Variants in PRDM16 observed in about 807,000 individuals in gnomAD.
The protein encoded by PRDM16 is histone-lysine N-methyltransferase PRDM16.
In PRDM16, 23 loss-of-function variants were observed where a neutral mutation model predicts 110.6. The ratio of observed to expected loss-of-function variants is 0.21; its 90% CI spans 0.15 to 0.29. PRDM16 has a LOEUF of 0.29. Ranked by LOEUF, PRDM16 falls within the 10% of genes least tolerant of loss-of-function variation. The pLI, the probability that PRDM16 is intolerant of heterozygous loss-of-function variation, is 1.00. For missense variants in PRDM16, 1,615 were observed against 1,794.3 expected, an observed-to-expected ratio of 0.90 and a Z score of 1.81; for synonymous variants, 799 against 781.8, an observed-to-expected ratio of 1.02 and a Z score of -0.37.
chr1:3,257,334 G>C (rs1640073849), intron 3 of PRDM16, among the ~76,000 whole-genome samples: 1 of 152,120 alleles, frequency 6.6e-6, no homozygotes, highest in African/African-American at 2.4e-5. Flanking sequence ...GGAGCATCAG[G>C]CCGGTGAGTA....
At chr1:3,386,689 T>C (rs1483197676) in intron 4 of PRDM16, 3 of 152,038 alleles carry the variant, frequency 2.0e-5, no homozygotes, top group Admixed American at 2.0e-4. Context: ...AAAGTGAAAT[T>C]GGAGTGAAGG....
intron 3 of PRDM16, among the ~76,000 whole-genome samples, chr1:3,354,670 GT>G (rs1358693985): frequency 6.6e-6 from 1 of 152,082 alleles, no homozygotes; most frequent in Non-Finnish European, 1.5e-5. Context: ...TCTGCAGAGC[GT>G]TCCATTTCTA....
At chr1:3,399,732 T>G (rs1394728592) in intron 5 of PRDM16, among the ~76,000 whole-genome samples, 1 of 152,172 alleles carries the variant, frequency 6.6e-6, no homozygotes. Flanking sequence ...CTGGAAAAAA[T>G]AAGTTGGTCA....
At chr1:3,323,434 C>T (rs1641808791) in intron 3 of PRDM16, among the ~76,000 whole-genome samples, 1 of 152,242 alleles carries the variant, frequency 6.6e-6, no homozygotes, top group African/African-American at 2.4e-5. Context: ...CAGGCGCCAA[C>T]AGAAGCTGCC....
chr1:3,129,247 C>CGTGTGTGTGGGTGTGTACATGT, intron 1 of PRDM16, among the ~76,000 whole-genome samples: 1 of 144,546 alleles, frequency 6.9e-6, no homozygotes, highest in South Asian at 2.2e-4. Context: ...CATGTGGGTG[C>CGTGTGTGTGGGTGTGTACATGT]GTGTGTGTGG....
At chr1:3,070,482 C>A (rs1641723805) in intron 1 of PRDM16, among the ~76,000 whole-genome samples, 1 of 149,718 alleles carries the variant, frequency 6.7e-6, no homozygotes, top group Non-Finnish European at 1.5e-5. Flanking sequence ...GCGGCCAGCG[C>A]CGCGCGGAGC....
intron 2 of PRDM16, among the ~76,000 whole-genome samples, chr1:3,212,144 G>T (rs1276955482): frequency 6.6e-6 from 1 of 152,220 alleles, no homozygotes; most frequent in South Asian, 2.1e-4. Context: ...GGACTGCGCG[G>T]CGCGGGCCTC....
chr1:3,077,627 C>G (rs950752451), intron 1 of PRDM16, among the ~76,000 whole-genome samples: 1 of 152,178 alleles, frequency 6.6e-6, no homozygotes, highest in Non-Finnish European at 1.5e-5. Flanking sequence ...CTCCAATCAG[C>G]CAGGCAGTCA....
chr1:3,349,104 C>T (rs972540123), intron 3 of PRDM16, among the ~76,000 whole-genome samples: 1 of 152,200 alleles, frequency 6.6e-6, no homozygotes, highest in Admixed American at 6.5e-5. Flanking sequence ...ATTTGAAAAG[C>T]CAGGAGTCAA....
At chr1:3,403,238 G>A (rs1443347910) in intron 6 of PRDM16, among the ~76,000 whole-genome samples, 1 of 152,170 alleles carries the variant, frequency 6.6e-6, no homozygotes, top group African/African-American at 2.4e-5. Context: ...GGTGTCCCCT[G>A]GCTCCGACCG....
rs558167274 is a variant in PRDM16, at chr1:3,217,601, C to T, written c.388-26486C>T. ...TGAGTGCGCTGGCCTAAGTCTACGG[C>T]GAGGGTGAGGGGTTCTCCCAGCCAC... On this transcript the variant is annotated intron_variant, in intron 2 of 16. Coordinates refer to ENST00000270722, the MANE Select transcript of PRDM16 (RefSeq NM_022114.4). Among the ~76,000 whole-genome samples, 7 of 152,288 alleles carry T rather than the reference C, an allele frequency of 4.6e-5. No homozygotes were observed. In the South Asian group the frequency reaches 8.3e-4, roughly 18 times the overall value.
chr1:3,285,351 C>A (rs765413916), intron 3 of PRDM16, among the ~76,000 whole-genome samples: 2 of 152,210 alleles, frequency 1.3e-5, no homozygotes, highest in African/African-American at 4.8e-5. Context: ...CTGCCCTCAC[C>A]CCATTGTTCC....
chr1:3,368,740 T>C (rs4648487), intron 3 of PRDM16, among the ~76,000 whole-genome samples: 59,665 of 152,016 alleles, frequency 0.39, 12,830 homozygotes, highest in East Asian at 0.7. Context: ...GTAACATCAA[T>C]AGAGGCAGAT....
Position 3,412,455 on chromosome 1 carries a change from C to A in PRDM16, c.2258C>A (p.Ala753Asp). The A allele has an allele frequency of 1.9e-6, 3 of 1,613,184 alleles. No homozygotes were observed. Among genetic ancestry groups the A allele is most frequent in the Non-Finnish European group, 2.5e-6 (3 of 1,179,916 alleles). The change falls in exon 9 of 17, where the codon GCC becomes GAC. Residue 753 changes from alanine to aspartate, a missense_variant. Ala to Asp is a moderately radical substitution (Grantham distance 126). Around this residue, in one of 5 missense-constraint regions of PRDM16, gnomAD observed 772 missense variants for 748.3 expected, o/e 1.03. Coordinates refer to ENST00000270722, the MANE Select transcript of PRDM16 (RefSeq NM_022114.4). ...CTCGCCCACAACTTGCTGGTCAAGG[C>A]CGAGCCAAAGTCACCCCGGGACGCC... ...RALAHNLLVK[A>D]EPKSPRDALK...
intron 3 of PRDM16, among the ~76,000 whole-genome samples, chr1:3,297,960 A>G (rs1409679722): frequency 6.6e-6 from 1 of 151,974 alleles, no homozygotes; most frequent in Non-Finnish European, 1.5e-5. Context: ...CGCAGGAGCC[A>G]GCTCTGCAGG....
intron 2 of PRDM16, among the ~76,000 whole-genome samples, chr1:3,239,218 C>T (rs141569384): frequency 2.0e-4 from 30 of 152,306 alleles, no homozygotes; most frequent in South Asian, 1.9e-3. Flanking sequence ...CATTCCTCTC[C>T]GAGAGTGAGA....
intron 3 of PRDM16, among the ~76,000 whole-genome samples, chr1:3,361,695 GA>G (rs1642716277): frequency 6.6e-6 from 1 of 152,368 alleles, no homozygotes; most frequent in South Asian, 2.1e-4. Context: ...GAGTGGAACA[GA>G]AGGCTATGTG....
At chr1:3,373,023 C>T (rs1642931104) in intron 3 of PRDM16, among the ~76,000 whole-genome samples, 1 of 152,196 alleles carries the variant, frequency 6.6e-6, no homozygotes, top group Non-Finnish European at 1.5e-5. Flanking sequence ...GTTGTTATAT[C>T]AGCAGCTTGG....
chr1:3,419,921 GC>G (rs942910514), intron 12 of PRDM16, among the ~76,000 whole-genome samples: 4 of 151,154 alleles, frequency 2.6e-5, no homozygotes, highest in African/African-American at 9.7e-5. Context: ...CAATTCACAG[GC>G]CCCCCCTTAC....
Sources: allele counts gnomAD v4.1 joint callset (sites outside exome capture counted in the v4.1 genomes callset), GRCh38; gene constraint gnomAD v4.1.1; regional missense constraint gnomAD v4.1.1; transcripts MANE v1.5; gene names NCBI Gene and HGNC (gene_info 2026-07-23, HGNC 2026-07-21).